MELK: variants seen among roughly 807,000 people sequenced by gnomAD.
The protein encoded by MELK is pEg3 kinase.
MELK carries 81 observed loss-of-function variants against 85.0 expected under a neutral mutation model. The observed-to-expected ratio is 0.95, with a 90% CI of 0.80 to 1.15. The LOEUF (loss-of-function observed/expected upper bound fraction) is 1.15, where lower values mean the gene tolerates loss of function less well. Ranked by LOEUF, MELK falls within the 50% of genes most tolerant of loss-of-function variation. The pLI, the probability that MELK is intolerant of heterozygous loss-of-function variation, is 0.00. For missense variants in MELK, 754 were observed against 777.5 expected (o/e 0.97, Z 0.36); for synonymous variants, 252 against 265.0 (o/e 0.95, Z 0.48).
chr9:36,593,487 A>T (rs1045123309), intron 4 of MELK, among the ~76,000 whole-genome samples: 1 of 152,150 alleles, frequency 6.6e-6, no homozygotes. Flanking sequence ...CACTGAATCT[A>T]GTGGCACCTT....
chr9:36,615,081 C>A (rs866938856), intron 8 of MELK, among the ~76,000 whole-genome samples: 30 of 132,832 alleles, frequency 2.3e-4, no homozygotes, highest in Non-Finnish European at 3.7e-4. Context: ...ACCCCCCCCC[C>A]ACCTCCCTCC....
At chr9:36,639,778 G>A (rs892840603) in intron 10 of MELK, among the ~76,000 whole-genome samples, 1 of 152,194 alleles carries the variant, frequency 6.6e-6, no homozygotes, top group Admixed American at 6.5e-5. Context: ...TCCATCTCCT[G>A]CCTTTCTCAC....
chr9:36,643,442 T>C (rs1345400725), intron 11 of MELK, among the ~76,000 whole-genome samples: 1 of 152,186 alleles, frequency 6.6e-6, no homozygotes, highest in Non-Finnish European at 1.5e-5. Flanking sequence ...TTTTGTTTCA[T>C]TGTTCTTTAT....
intron 12 of MELK, among the ~76,000 whole-genome samples, chr9:36,652,879 A>G (rs867800768): frequency 6.6e-6 from 1 of 152,130 alleles, no homozygotes; most frequent in Non-Finnish European, 1.5e-5. Flanking sequence ...TTTTACACGC[A>G]TTCAAGTACT....
At chr9:36,640,053 C>T (rs1829619948) in intron 10 of MELK, among the ~76,000 whole-genome samples, 1 of 152,196 alleles carries the variant, frequency 6.6e-6, no homozygotes, top group African/African-American at 2.4e-5. Context: ...TTATTCTTAG[C>T]ACTTTGGACT....
chr9:36,614,425 GTT>G lies in MELK; in HGVS notation c.666+6769_666+6770del, dbSNP rs58332948. ...GTCTTTTTTAAAAAATTATTTTTGG[GTT>G]TTTTTTTTTTTTTTTTAATTTATTT... On this transcript the variant is annotated intron_variant, in intron 8 of 17. Transcript: ENST00000298048. Among the ~76,000 whole-genome samples, 176 of 118,986 alleles carry G rather than the reference GTT, an allele frequency of 1.5e-3. 1 individual carries two copies. Among genetic ancestry groups the G allele is most frequent in the African/African-American group, 5.6e-3 (156 of 27,714 alleles). 78.1% of individuals were successfully genotyped at this position (118,986 alleles called of 152,430 possible).
intron 8 of MELK, among the ~76,000 whole-genome samples, chr9:36,624,913 A>AC (rs149223844): frequency 0.016 from 2,464 of 152,270 alleles, 64 homozygotes; most frequent in African/African-American, 0.055. Flanking sequence ...CTGGAATCAG[A>AC]CTTGTCCTTG....
chr9:36,579,411 C>G (rs1036131404), intron 1 of MELK, among the ~76,000 whole-genome samples: 1 of 152,228 alleles, frequency 6.6e-6, no homozygotes, highest in East Asian at 1.9e-4. Context: ...ATCCGCCCAC[C>G]CTGGCCTCCC....
At chr9:36,663,492 G>A (rs765600343) in intron 13 of MELK, among the ~76,000 whole-genome samples, 3 of 152,158 alleles carry the variant, frequency 2.0e-5, no homozygotes, top group Admixed American at 6.5e-5. Context: ...AATGTACATC[G>A]CACCCCTTAA....
In MELK at chr9:36,620,801, G is replaced by T. The variant is rs112062989; in HGVS notation, c.667-9498G>T. 4.5e-3 allele frequency among the ~76,000 whole-genome samples: 682 copies of T among 151,616 alleles called. 6 individuals carry two copies. Among genetic ancestry groups the T allele is most frequent in the African/African-American group, 0.016 (661 of 41,336 alleles). On this transcript the variant is annotated intron_variant, in intron 8 of 17. Transcript: ENST00000298048. ...CCTGACCTTGTGATCCGCCTGCCTT[G>T]GCCTCCTAAAGTGCTGGGATTACAG... is the stretch of plus-strand genomic sequence containing the variant.
At chr9:36,647,592 A>G (rs1830338270) in intron 11 of MELK, among the ~76,000 whole-genome samples, 1 of 151,636 alleles carries the variant, frequency 6.6e-6, no homozygotes. Context: ...GAGTTCAAGC[A>G]ATTCTCCTGC....
intron 1 of MELK, among the ~76,000 whole-genome samples, chr9:36,580,050 T>C (rs1423051428): frequency 1.3e-5 from 2 of 148,586 alleles, no homozygotes; most frequent in African/African-American, 4.9e-5. Context: ...TTTTTTTTTT[T>C]TTTTTTTTTT....
Position 36,600,453 on chromosome 9 carries a change from C to T in MELK, c.567+967C>T, listed in dbSNP as rs150096475. On this transcript the variant is annotated intron_variant, in intron 7 of 17. Coordinates refer to ENST00000298048, the MANE Select transcript of MELK (RefSeq NM_014791.4). ...GGCTGGAGTGCAGTGGCACAATCTCCGCTCACTACAAGCTCTGCCTCCTGG... is the reference window on the plus strand; with the variant it reads ...GGCTGGAGTGCAGTGGCACAATCTCTGCTCACTACAAGCTCTGCCTCCTGG... Among the ~76,000 whole-genome samples the T allele has an allele frequency of 7.6e-3, 1,161 of 152,182 alleles. 8 individuals are homozygous for T. Among genetic ancestry groups the T allele is most frequent in the Non-Finnish European group, 0.012 (787 of 67,998 alleles).
rs1356602897 is a variant in MELK, at chr9:36,583,696, A to G, written c.128A>G (p.Asp43Gly). The change falls in exon 3 of 18, where the codon GAT (aspartate) becomes GGT (glycine). Residue 43 changes from aspartate (D) to glycine (G), a missense_variant. Physicochemically the swap from Asp to Gly is moderately conservative, Grantham distance 94. Transcript: ENST00000298048. ...TGEMVAIKIM[D>G]KNTLGSDLPR... ...GAGATGGTAGCTATAAAAATCATGGATAAAAACACACTAGGGGTAAGTTTA... is the reference window on the plus strand; with the variant it reads ...GAGATGGTAGCTATAAAAATCATGGGTAAAAACACACTAGGGGTAAGTTTA... The G allele has an allele frequency of 6.2e-7, 1 of 1,610,466 alleles. No homozygotes were observed. The highest frequency in any genetic ancestry group is 8.5e-7 in the Non-Finnish European group (1 of 1,177,106).
At chr9:36,672,883 C>T (rs1442139591) in intron 16 of MELK, among the ~76,000 whole-genome samples, 1 of 152,172 alleles carries the variant, frequency 6.6e-6, no homozygotes, top group Non-Finnish European at 1.5e-5. Context: ...AGATTGAAAA[C>T]TTTAACTTTA....
In MELK at chr9:36,589,537, G is replaced by T; in HGVS notation, c.146G>T (p.Ser49Ile). The T allele has an allele frequency of 6.2e-7, 1 of 1,611,146 alleles. No individual in the cohort carries two copies. The highest frequency in any genetic ancestry group is 8.5e-7 in the Non-Finnish European group (1 of 1,177,334). ...IKIMDKNTLG[S>I]DLPRIKTEIE... ...ATTCCATATGATGTTTTGTCACAGA[G>T]TGATTTGCCCCGGATCAAAACGGAG... Residue 49 changes from serine (S) to isoleucine (I), a missense_variant and splice_region_variant, in exon 4 of 18, where the codon AGT becomes ATT. Physicochemically the swap from Ser to Ile is moderately radical, Grantham distance 142. Coordinates refer to ENST00000298048, the MANE Select transcript of MELK (RefSeq NM_014791.4).
intron 9 of MELK, 32 bp from the exon 10 acceptor site, chr9:36,633,070 T>G (rs1411845470): frequency 6.9e-7 from 1 of 1,452,722 alleles, no homozygotes; most frequent in African/African-American, 1.4e-5. Context: ...ATTTGAAATG[T>G]TAATCTCTAG....
At chr9:36,623,372 G>A (rs892654643) in intron 8 of MELK, among the ~76,000 whole-genome samples, 2 of 152,178 alleles carry the variant, frequency 1.3e-5, no homozygotes, top group African/African-American at 2.4e-5. Context: ...TTTAAAGCAC[G>A]GTGTACAAAT....
intron 15 of MELK, among the ~76,000 whole-genome samples, chr9:36,670,606 TATAC>T (rs1832795957): frequency 6.6e-6 from 1 of 151,550 alleles, no homozygotes; most frequent in African/African-American, 2.4e-5. Flanking sequence ...TGTATATCTA[TATAC>T]ATATGTACAT....
Sources: allele counts gnomAD v4.1 joint callset (sites outside exome capture counted in the v4.1 genomes callset), GRCh38; gene constraint gnomAD v4.1.1; transcripts MANE v1.5; gene names NCBI Gene and HGNC (gene_info 2026-07-23, HGNC 2026-07-21).